The following CACNA1C variants were observed in gnomAD, a reference collection of about 807,000 sequenced individuals.
CACNA1C encodes the protein voltage-dependent L-type calcium channel subunit alpha-1C.
A neutral mutation model predicts 229.0 loss-of-function variants in CACNA1C; 30 were observed. The ratio of observed to expected loss-of-function variants is 0.13; its 90% CI spans 0.10 to 0.18. CACNA1C has a LOEUF of 0.18. Among genes scored for constraint, CACNA1C ranks in the 10% least tolerant of loss-of-function variants. CACNA1C has a pLI of 1.00. For synonymous variants in CACNA1C, 1,114 were observed against 1,132.5 expected, an observed-to-expected ratio of 0.98 and a Z score of 0.33; for missense variants, 1,658 against 2,845.0, an observed-to-expected ratio of 0.58 and a Z score of 9.49.
At chr12:2,177,622 T>TCTC (rs1197301056) in intron 3 of CACNA1C, among the ~76,000 whole-genome samples, 17 of 103,674 alleles carry the variant, frequency 1.6e-4, no homozygotes, top group African/African-American at 6.2e-4. Flanking sequence ...CCTTCCTTCC[T>TCTC]TCCTTCTCTC....
At chr12:2,607,380 A>G (rs758357048) in intron 26 of CACNA1C, 6 of 441,312 alleles carry the variant, frequency 1.4e-5, no homozygotes, top group Non-Finnish European at 2.4e-5. Context: ...CCTCTTTCCA[A>G]CCTCAGCATG....
intron 21 of CACNA1C, among the ~76,000 whole-genome samples, chr12:2,600,136 C>T (rs1211572940): frequency 6.6e-6 from 1 of 152,146 alleles, no homozygotes; most frequent in African/African-American, 2.4e-5. Context: ...TGGGGAAGTA[C>T]TGGGCTTTCT....
chr12:2,478,520 C>G (rs1286533568), intron 5 of CACNA1C, among the ~76,000 whole-genome samples: 2 of 152,222 alleles, frequency 1.3e-5, no homozygotes, highest in Admixed American at 1.3e-4. Context: ...CCTAAAGGGT[C>G]CCACTGAGAC....
intron 3 of CACNA1C, among the ~76,000 whole-genome samples, chr12:2,436,556 C>G (rs2099136578): frequency 6.6e-6 from 1 of 152,152 alleles, no homozygotes; most frequent in Non-Finnish European, 1.5e-5. Flanking sequence ...ATAATTTGAA[C>G]TAAGCATCTC....
chr12:2,510,399 A>T (rs781682557), intron 8 of CACNA1C, among the ~76,000 whole-genome samples: 1 of 152,130 alleles, frequency 6.6e-6, no homozygotes, highest in Non-Finnish European at 1.5e-5. Flanking sequence ...GATCTGACTA[A>T]AGCCCTTCTC....
rs2099697823 is a variant in CACNA1C at position 2,486,443 on chromosome 12, A to G, written c.916+181A>G. Among the ~76,000 whole-genome samples the G allele has an allele frequency of 6.6e-6, 1 of 152,068 alleles. No individual in the cohort carries two copies. The highest frequency in any genetic ancestry group is 2.4e-5 in the African/African-American group (1 of 41,402). The stretch of plus-strand genomic sequence containing the variant: ...CCGTATCCTTTTTTTCTCAGTTCCA[A>G]TTTTTGTTTTAATCTCTGTTAAACC... On this transcript the variant is annotated intron_variant, in intron 6 of 46. Transcript: ENST00000399655. The surrounding 1 kb of genome is among the most constrained non-coding windows in gnomAD (Gnocchi z 4.9).
chr12:2,211,455 T>G (rs1399040438), intron 3 of CACNA1C, among the ~76,000 whole-genome samples: 1 of 152,242 alleles, frequency 6.6e-6, no homozygotes, highest in East Asian at 1.9e-4. Flanking sequence ...AAAGGCAAAC[T>G]GGATAGCTGT....
rs549221082 is a variant in CACNA1C, at chr12:2,485,385, G to A, written c.758-719G>A. 2.7e-4 allele frequency among the ~76,000 whole-genome samples: 41 copies of A among 152,190 alleles called. 1 individual carries two copies. Among genetic ancestry groups the A allele is most frequent in the African/African-American group, 9.9e-4 (41 of 41,516 alleles). The stretch of plus-strand genomic sequence containing the variant: ...ATTTGCAGTGTCCCTTTAAATGAAT[G>A]CCATCCCCAGTGTGTTATTTCTGGT... On this transcript the variant is annotated intron_variant, in intron 5 of 46. Coordinates refer to ENST00000399655, the MANE Select transcript of CACNA1C (RefSeq NM_000719.7).
chr12:2,103,484 TC>T (rs1327722006), intron 1 of CACNA1C, among the ~76,000 whole-genome samples: 2 of 152,234 alleles, frequency 1.3e-5, no homozygotes, highest in Non-Finnish European at 2.9e-5. Context: ...TAGCGCTTTG[TC>T]AGATGAGTAG....
chr12:2,648,497 C>T lies in CACNA1C; in HGVS notation c.3935C>T (p.Ser1312Phe). The change falls in exon 31 of 47, where the codon TCT (serine) becomes TTT (phenylalanine). Residue 1312 changes from serine to phenylalanine, a missense_variant. Ser to Phe is a radical substitution (Grantham distance 155, BLOSUM62 -2). This residue lies in a region of CACNA1C where 38 missense variants were observed against 53.3 expected (regional missense o/e 0.71). Transcript: ENST00000399655. ...EVNPAEHTQC[S>F]PSMNAEENSR... ...AAGCCAGCTGAACATACCCAATGCTCTCCCTCTATGGTAAGACCAACCCTC... is the reference window on the plus strand; with the variant it reads ...AAGCCAGCTGAACATACCCAATGCTTTCCCTCTATGGTAAGACCAACCCTC... 1.9e-6 allele frequency: 3 copies of T among 1,613,954 alleles called. No homozygotes were observed. Among genetic ancestry groups the T allele is most frequent in the Non-Finnish European group, 2.5e-6 (3 of 1,179,850 alleles).
chr12:2,530,103 G>A lies in CACNA1C; in HGVS notation c.1390+17119G>A, dbSNP rs370872672. 7.9e-5 allele frequency among the ~76,000 whole-genome samples: 12 copies of A among 152,336 alleles called. No homozygotes were observed. The East Asian group carries it at 1.2e-3, about 15-fold the overall frequency. ...AATGAGAACTCAGCTGTATCTCCTG[G>A]ATGTAGTGGAAAGCAACCATTTTGG... On this transcript the variant is annotated intron_variant, in intron 9 of 46. Coordinates refer to ENST00000399655, the MANE Select transcript of CACNA1C (RefSeq NM_000719.7).
At chr12:2,065,270 TA>T (rs1335447765) in intron 1 of CACNA1C, among the ~76,000 whole-genome samples, 1 of 152,216 alleles carries the variant, frequency 6.6e-6, no homozygotes, top group Non-Finnish European at 1.5e-5. Flanking sequence ...TAAAATTATT[TA>T]AAAGGCAAAA....
At chr12:2,553,784 A>G (rs1265927150) in intron 10 of CACNA1C, among the ~76,000 whole-genome samples, 2 of 152,164 alleles carry the variant, frequency 1.3e-5, no homozygotes, top group Non-Finnish European at 2.9e-5. Context: ...TCCAGTGAGG[A>G]CAAATGTTGG....
chr12:2,461,384 C>G (rs927401612), intron 5 of CACNA1C, among the ~76,000 whole-genome samples: 17 of 152,174 alleles, frequency 1.1e-4, no homozygotes, highest in Non-Finnish European at 1.8e-4. Context: ...TGACTTCTGT[C>G]TCATCTTCTC....
intron 3 of CACNA1C, among the ~76,000 whole-genome samples, chr12:2,168,480 C>T (rs2096340759): frequency 6.6e-6 from 1 of 152,208 alleles, no homozygotes; most frequent in Admixed American, 6.5e-5. Context: ...GCACTATACA[C>T]AGCCCTTGAA....
intron 3 of CACNA1C, among the ~76,000 whole-genome samples, chr12:2,332,180 A>T (rs1254780623): frequency 6.6e-6 from 1 of 152,188 alleles, no homozygotes; most frequent in Non-Finnish European, 1.5e-5. Context: ...ATGTGTGTTT[A>T]TGTATGTGTA....
intron 1 of CACNA1C, among the ~76,000 whole-genome samples, chr12:2,027,009 A>G (rs1034558205): frequency 3.1e-4 from 47 of 152,216 alleles, no homozygotes; most frequent in African/African-American, 1.1e-3. Flanking sequence ...TAGCTTTCTA[A>G]TTCTTTCTTG....
rs867051122 is a variant in CACNA1C, at chr12:2,109,080, C to G, written c.50-6144C>G. On this transcript the variant is annotated intron_variant, in intron 1 of 46. Transcript: ENST00000399655. ...TAGGTGTGAGCTGCGGCTGCTCACC[C>G]TCTCTAAATCGATGTGGGTGTCTGT... is the stretch of plus-strand genomic sequence containing the variant. Among the ~76,000 whole-genome samples, 10 of 152,330 alleles carry G rather than the reference C, an allele frequency of 6.6e-5. No homozygotes were observed. In the South Asian group the frequency reaches 1.4e-3, roughly 22 times the overall value.
chr12:2,629,204 T>C (rs572547762), intron 29 of CACNA1C, among the ~76,000 whole-genome samples: 8 of 152,344 alleles, frequency 5.3e-5, no homozygotes, highest in African/African-American at 1.9e-4. Context: ...GCCTCTGGAC[T>C]CTGGTTGCTT....
Sources: gnomAD v4.1 joint callset for allele counts (sites outside exome capture counted in the v4.1 genomes callset) on GRCh38, gnomAD v4.1.1 for gene constraint, gnomAD v4.1.1 regional missense constraint, Gnocchi (gnomAD v3.1) non-coding constraint, MANE v1.5 for transcripts, NCBI Gene and HGNC (gene_info 2026-07-23, HGNC 2026-07-21) for gene names.